ANKRA2: variants seen among roughly 807,000 people sequenced by gnomAD.
ANKRA2 encodes the protein ankyrin repeat family A member 2.
A neutral mutation model predicts 37.8 loss-of-function variants in ANKRA2; 33 were observed. The ratio of observed to expected loss-of-function variants is 0.87; its 90% CI spans 0.66 to 1.17. The LOEUF is 1.17. Ranked by LOEUF, ANKRA2 falls within the 50% of genes most tolerant of loss-of-function variation. The pLI, the probability that ANKRA2 is intolerant of heterozygous loss-of-function variation, is 0.00. For synonymous variants in ANKRA2, 126 were observed against 132.3 expected (o/e 0.95, Z 0.33); for missense variants, 326 against 373.7 (o/e 0.87, Z 1.05).
chr5:73,557,846 G>T (rs1474238787), intron 3 of ANKRA2, among the ~76,000 whole-genome samples: 1 of 152,174 alleles, frequency 6.6e-6, no homozygotes, highest in Middle Eastern at 3.2e-3. Context: ...GGAGGCAGAG[G>T]CAGGTGGATC....
In ANKRA2 at chr5:73,555,493, G is replaced by T; in HGVS notation, c.607C>A (p.Gln203Lys). 1 of 1,613,006 alleles carries T rather than the reference G, an allele frequency of 6.2e-7. No individual in the cohort carries two copies. Among genetic ancestry groups the T allele is most frequent in the South Asian group, 1.1e-5 (1 of 91,050 alleles). The change falls in exon 5 of 9, where the codon CAG (glutamine) becomes AAG (lysine). Residue 203 changes from glutamine (Q) to lysine (K), a missense_variant. By Grantham distance (53) the Gln-to-Lys change is moderately conservative. Around this residue, in one of 3 missense-constraint regions of ANKRA2, gnomAD observed 228 missense variants for 260.2 expected, o/e 0.88. Transcript: ENST00000296785. The stretch of plus-strand genomic sequence containing the variant: ...TTCTGAGGCATTTTCCTTACATTCT[G>T]AAGTAGGAACTCTACCACAGCTATT... ...GQIAVVEFLL[Q>K]NGADPQLLGK... is the part of the protein sequence containing the mutation.
At chr5:73,561,925 G>C (rs1006905017) in intron 2 of ANKRA2, among the ~76,000 whole-genome samples, 1 of 152,140 alleles carries the variant, frequency 6.6e-6, no homozygotes, top group Admixed American at 6.5e-5. Flanking sequence ...TTAAAGCACA[G>C]AAAGTAAATG....
In ANKRA2 at chr5:73,561,425, A is replaced by G. The variant is rs887154453; in HGVS notation, c.290-137T>C. 70 of 858,832 alleles carry G rather than the reference A, an allele frequency of 8.2e-5. No homozygotes were observed. In the South Asian group the frequency reaches 1.2e-3, roughly 15 times the overall value. The allele number at this position is 858,832 out of a possible 1,614,324, so 53.2% of individuals were successfully genotyped here. A position where few individuals can be genotyped will look rare whatever the true frequency, so the allele number is the denominator to read the frequency against. On this transcript the variant is annotated intron_variant, in intron 2 of 8. Coordinates refer to ENST00000296785, the MANE Select transcript of ANKRA2 (RefSeq NM_023039.5). ...TATCAAGTGATACTAAATTGTTTTT[A>G]TCATTAAAGTCCATACTTCCTTGTT...
intron 7 of ANKRA2, among the ~76,000 whole-genome samples, chr5:73,553,815 C>A (rs1260959070): frequency 1.3e-5 from 2 of 151,502 alleles, no homozygotes; most frequent in African/African-American, 4.8e-5. Flanking sequence ...TGCTCTGTCA[C>A]CCAGGCTGGA....
intron 4 of ANKRA2, 105 bp from the exon 5 acceptor site, chr5:73,555,690 GT>G (rs1747381470): frequency 1.0e-6 from 1 of 988,200 alleles, no homozygotes; most frequent in East Asian, 2.6e-5. Context: ...ACTCAGTAAA[GT>G]TCACTTTGTG....
chr5:73,563,745 T>C (rs1439572383), intron 1 of ANKRA2, among the ~76,000 whole-genome samples: 2 of 123,040 alleles, frequency 1.6e-5, no homozygotes, highest in Admixed American at 9.3e-5. Flanking sequence ...AATTTTTTCA[T>C]GTTAGGGTTA....
intron 2 of ANKRA2, among the ~76,000 whole-genome samples, chr5:73,562,174 A>G (rs189341): frequency 0.65 from 98,161 of 151,210 alleles, 32,597 homozygotes; most frequent in East Asian, 0.82. Flanking sequence ...ACGCCACCAT[A>G]CCCGGCTAAT....
intron 2 of ANKRA2, 196 bp downstream of exon 2, chr5:73,562,397 C>T: frequency 4.2e-6 from 2 of 477,126 alleles, no homozygotes; most frequent in Non-Finnish European, 3.6e-6. Flanking sequence ...TTAAAAAAAT[C>T]AACATGTACT....
chr5:73,553,472 G>C lies in ANKRA2; in HGVS notation c.820C>G (p.Pro274Ala), dbSNP rs764523349. 6.2e-7 allele frequency: 1 copy of C among 1,612,922 alleles called. No homozygotes were observed. Among genetic ancestry groups the C allele is most frequent in the Admixed American group, 1.7e-5 (1 of 60,006 alleles). Residue 274 changes from proline to alanine, a missense_variant, in exon 8 of 9, where the codon CCA becomes GCA. Transcript: ENST00000296785. ...TATCCAGAGTCAGTTTCAATTGTTG[G>C]ATCAGCCCCACTTTCTATACCAAAA... ...VKMLLESGADPTIETDSGYNS... is the reference protein window; with the variant it reads ...VKMLLESGADATIETDSGYNS...
intron 2 of ANKRA2, 33 bp downstream of exon 2, chr5:73,562,560 A>G: frequency 6.5e-7 from 1 of 1,534,382 alleles, no homozygotes; most frequent in Middle Eastern, 1.8e-4. Flanking sequence ...AAAAACAAAA[A>G]CAAATGCAGA....
rs1270535473 is a variant in ANKRA2 at position 73,562,802 on chromosome 5, A to G, written c.80T>C (p.Met27Thr). The part of the protein sequence containing the change: ...ECPSTYSLTG[M>T]PDIKIEHPLD... Reference sequence around the variant, plus strand: ...TGGATGTTCTATTTTAATGTCTGGCATGCCAGTTAGGCTATAAGTGCTGGG... The same window carrying G: ...TGGATGTTCTATTTTAATGTCTGGCGTGCCAGTTAGGCTATAAGTGCTGGG... Residue 27 changes from methionine to threonine, a missense_variant, in exon 2 of 9, where the codon ATG (methionine) becomes ACG (threonine). Coordinates refer to ENST00000296785, the MANE Select transcript of ANKRA2 (RefSeq NM_023039.5). 22 of 1,614,066 alleles carry G rather than the reference A, an allele frequency of 1.4e-5. No homozygotes were observed. Among genetic ancestry groups the G allele is most frequent in the Non-Finnish European group, 1.8e-5 (21 of 1,180,020 alleles).
Position 73,553,367 on chromosome 5 carries a change from CT to C in ANKRA2, c.886+38del, listed in dbSNP as rs774011125. The C allele has an allele frequency of 1.5e-5, 22 of 1,500,916 alleles. No individual in the cohort carries two copies. In the South Asian group the frequency reaches 2.4e-4, roughly 16 times the overall value. The allele number at this position is 1,500,916 out of a possible 1,614,324, so 93.0% of individuals were successfully genotyped here. Reference sequence around the variant, plus strand: ...GTACTGGCTTATACTATTTACAGAGCTTTACTAAGATGAGACACAGGAGTTC... The same window carrying C: ...GTACTGGCTTATACTATTTACAGAGCTTACTAAGATGAGACACAGGAGTTC... On this transcript the variant is annotated intron_variant, in intron 8 of 8. Transcript: ENST00000296785.
Position 73,557,582 on chromosome 5 carries a change from G to T in ANKRA2, c.507C>A (p.Ile169=). Residue 169 remains isoleucine, a synonymous_variant, in exon 4 of 9, where the codon ATC becomes ATA. Transcript: ENST00000296785. ...QGEMLYLATR[I]EQENVINHTD... Reference sequence around the variant, plus strand: ...TTTTAAATAGGCTATTACCTTGTTCGATACGAGTAGCCAGATAGAGCATCT... The same window carrying T: ...TTTTAAATAGGCTATTACCTTGTTCTATACGAGTAGCCAGATAGAGCATCT... The T allele has an allele frequency of 6.2e-7, 1 of 1,602,628 alleles. No homozygotes were observed. Among genetic ancestry groups the T allele is most frequent in the Non-Finnish European group, 8.5e-7 (1 of 1,170,870 alleles).
intron 2 of ANKRA2, 143 bp from the exon 3 acceptor site, chr5:73,561,431 A>T: frequency 1.2e-6 from 1 of 824,848 alleles, no homozygotes; most frequent in South Asian, 1.8e-5. Context: ...TTTTATCATT[A>T]AAGTCCATAC....
At chr5:73,564,429 G>A (rs191668317) in intron 1 of ANKRA2, among the ~76,000 whole-genome samples, 1 of 152,300 alleles carries the variant, frequency 6.6e-6, no homozygotes, top group East Asian at 1.9e-4. Context: ...CCCCTAGGAT[G>A]GGGACCACTC....
At chr5:73,552,874 G>T in intron 8 of ANKRA2, 22 bp from the exon 9 acceptor site, 1 of 1,562,284 alleles carries the variant, frequency 6.4e-7, no homozygotes. Flanking sequence ...AGGTAATCAA[G>T]ATTACAGCAC....
At chr5:73,557,825 C>T (rs1426137100) in intron 3 of ANKRA2, among the ~76,000 whole-genome samples, 185 bp from the exon 4 acceptor site, 1 of 152,056 alleles carries the variant, frequency 6.6e-6, no homozygotes, top group African/African-American at 2.4e-5. Flanking sequence ...GCCCGTAATC[C>T]CAGCACTTTG....
At chr5:73,557,747 C>T in intron 3 of ANKRA2, 107 bp from the exon 4 acceptor site, 1 of 698,880 alleles carries the variant, frequency 1.4e-6, no homozygotes, top group Non-Finnish European at 2.4e-6. Flanking sequence ...ACAAAAACTA[C>T]AATTTTATTG....
intron 5 of ANKRA2, 93 bp from the exon 6 acceptor site, chr5:73,555,079 C>G: frequency 6.6e-7 from 1 of 1,522,620 alleles, no homozygotes; most frequent in Non-Finnish European, 8.8e-7. Flanking sequence ...CAACACTAGG[C>G]CTGGTAATGT....
Sources: allele counts gnomAD v4.1 joint callset (sites outside exome capture counted in the v4.1 genomes callset), GRCh38; gene constraint gnomAD v4.1.1; regional missense constraint gnomAD v4.1.1; transcripts MANE v1.5; gene names NCBI Gene and HGNC (gene_info 2026-07-23, HGNC 2026-07-21).